Variants in COG5 observed in about 807,000 individuals in gnomAD.
COG5 encodes the protein component of oligomeric golgi complex 5.
Under a neutral mutation model 110.4 loss-of-function variants are expected in COG5, and 86 were observed. The ratio of observed to expected loss-of-function variants is 0.78; its 90% CI spans 0.65 to 0.93. COG5 has a LOEUF of 0.93. COG5 is among the 40% of genes least tolerant of loss of function. The pLI is 0.00. For missense variants in COG5, 1,077 were observed against 987.0 expected (o/e 1.09, Z -1.22); for synonymous variants, 360 against 334.6 (o/e 1.08, Z -0.83).
At chr7:107,231,953 T>G (rs1290211587) in intron 18 of COG5, among the ~76,000 whole-genome samples, 1 of 152,248 alleles carries the variant, frequency 6.6e-6, no homozygotes, top group Non-Finnish European at 1.5e-5. Flanking sequence ...ATAATGATTC[T>G]TATTAAGCAA....
At chr7:107,436,227 A>G (rs1049723604) in intron 6 of COG5, among the ~76,000 whole-genome samples, 5 of 152,240 alleles carry the variant, frequency 3.3e-5, no homozygotes, top group African/African-American at 4.8e-5. Flanking sequence ...GGACAGATGA[A>G]TAAGCAAAAT....
chr7:107,261,864 C>T (rs1412375230), intron 14 of COG5, among the ~76,000 whole-genome samples: 2 of 151,604 alleles, frequency 1.3e-5, no homozygotes, highest in African/African-American at 2.4e-5. Context: ...TGTAAGTACA[C>T]AGTAGGTAGA....
intron 19 of COG5, among the ~76,000 whole-genome samples, chr7:107,216,700 A>C (rs1232675295): frequency 6.6e-6 from 1 of 152,236 alleles, no homozygotes; most frequent in Non-Finnish European, 1.5e-5. Context: ...ATCTTGGAAC[A>C]AATGAAAATG....
At chr7:107,346,325 A>T (rs1207857970) in intron 10 of COG5, among the ~76,000 whole-genome samples, 1 of 152,220 alleles carries the variant, frequency 6.6e-6, no homozygotes, top group Non-Finnish European at 1.5e-5. Context: ...ATGGAATATT[A>T]AAATAAGTCT....
intron 12 of COG5, 47 bp downstream of exon 12, chr7:107,298,095 A>G: frequency 1.1e-6 from 1 of 916,394 alleles, no homozygotes; most frequent in Non-Finnish European, 1.6e-6. Flanking sequence ...TTTAAAATAA[A>G]AATAAAATTA....
intron 14 of COG5, among the ~76,000 whole-genome samples, chr7:107,265,830 G>A (rs961331533): frequency 6.6e-6 from 1 of 152,088 alleles, no homozygotes; most frequent in Non-Finnish European, 1.5e-5. Flanking sequence ...TGAAGTGGGA[G>A]GATCGCTTGA....
intron 10 of COG5, among the ~76,000 whole-genome samples, chr7:107,328,327 A>G (rs1809944978): frequency 6.6e-6 from 1 of 152,238 alleles, no homozygotes; most frequent in Non-Finnish European, 1.5e-5. Flanking sequence ...AAGACACAGC[A>G]AATATACAGT....
intron 7 of COG5, among the ~76,000 whole-genome samples, chr7:107,392,775 G>A (rs1790717316): frequency 6.6e-6 from 1 of 150,678 alleles, no homozygotes; most frequent in Non-Finnish European, 1.5e-5. Context: ...TTTTTTAATT[G>A]TAGAGGGGAC....
In COG5 at chr7:107,250,594, G is replaced by C. The variant is rs1334100937; in HGVS notation, c.1750-2095C>G. On this transcript the variant is annotated intron_variant, in intron 16 of 21. Transcript: ENST00000297135. ...AGATGCTTAACCCTGAGATGAACCA[G>C]ACTCTAGAATTATCAGGCAAGAACC... is the stretch of plus-strand genomic sequence containing the variant. Among the ~76,000 whole-genome samples the C allele has an allele frequency of 2.0e-5, 3 of 152,136 alleles. No homozygotes were observed. The East Asian group carries it at 5.8e-4, about 29-fold the overall frequency.
At chr7:107,496,850 T>C (rs187077061) in intron 6 of COG5, among the ~76,000 whole-genome samples, 11 of 152,124 alleles carry the variant, frequency 7.2e-5, no homozygotes, top group African/African-American at 2.6e-4. Flanking sequence ...AAAGGTCATA[T>C]ATGAAGAACA....
chr7:107,496,086 C>T (rs959477805), intron 6 of COG5, among the ~76,000 whole-genome samples: 4 of 151,622 alleles, frequency 2.6e-5, no homozygotes, highest in African/African-American at 7.3e-5. Context: ...CCAGTTGGAC[C>T]GAACATTTAA....
intron 10 of COG5, among the ~76,000 whole-genome samples, chr7:107,361,162 G>A (rs1303546066): frequency 6.6e-6 from 1 of 152,100 alleles, no homozygotes; most frequent in Non-Finnish European, 1.5e-5. Context: ...TTAACAATCG[G>A]TAGAATCATT....
chr7:107,241,271 A>C (rs1801598364), intron 17 of COG5, among the ~76,000 whole-genome samples: 1 of 152,012 alleles, frequency 6.6e-6, no homozygotes, highest in Non-Finnish European at 1.5e-5. Context: ...ACTTCAGATC[A>C]CTTTTGAACA....
At chr7:107,532,384 A>C (rs1212640820) in intron 5 of COG5, among the ~76,000 whole-genome samples, 1 of 152,130 alleles carries the variant, frequency 6.6e-6, no homozygotes, top group Non-Finnish European at 1.5e-5. Flanking sequence ...GACCACATTC[A>C]CAGAACTAGG....
At chr7:107,461,680 G>C (rs963116169) in intron 6 of COG5, among the ~76,000 whole-genome samples, 1 of 152,000 alleles carries the variant, frequency 6.6e-6, no homozygotes, top group African/African-American at 2.4e-5. Flanking sequence ...ATCAAGAAAA[G>C]AATAAATAAA....
chr7:107,559,300 T>C (rs1458810410), intron 1 of COG5, among the ~76,000 whole-genome samples: 2 of 152,122 alleles, frequency 1.3e-5, no homozygotes, highest in Admixed American at 1.3e-4. Flanking sequence ...ATTAAGAGAA[T>C]TGAAAGCTAA....
At chr7:107,560,840 A>C (rs1377051777) in intron 1 of COG5, among the ~76,000 whole-genome samples, 1 of 152,212 alleles carries the variant, frequency 6.6e-6, no homozygotes, top group African/African-American at 2.4e-5. Context: ...AGAAATGTCC[A>C]GTAGGCAGTT....
intron 7 of COG5, among the ~76,000 whole-genome samples, chr7:107,401,990 T>A (rs1164167086): frequency 6.6e-6 from 1 of 152,232 alleles, no homozygotes; most frequent in Non-Finnish European, 1.5e-5. Flanking sequence ...TGAACTAGTA[T>A]CCTTGCTGTA....
At chr7:107,215,993 G>A (rs1799502645) in intron 19 of COG5, among the ~76,000 whole-genome samples, 1 of 152,198 alleles carries the variant, frequency 6.6e-6, no homozygotes, top group South Asian at 2.1e-4. Context: ...ACAGGCATGA[G>A]CCACTGCGCC....
Sources: gnomAD v4.1 joint callset for allele counts (sites outside exome capture counted in the v4.1 genomes callset) on GRCh38, gnomAD v4.1.1 for gene constraint, MANE v1.5 for transcripts, NCBI Gene and HGNC (gene_info 2026-07-23, HGNC 2026-07-21) for gene names.